The following SYNPR variants were observed in gnomAD, a reference collection of about 807,000 sequenced individuals.
The protein encoded by SYNPR is synaptoporin.
In SYNPR, 23 loss-of-function variants were observed where a neutral mutation model predicts 32.9. The observed-to-expected ratio is 0.70, with a 90% CI of 0.50 to 0.99. The LOEUF (loss-of-function observed/expected upper bound fraction) is 0.99, where lower values mean the gene tolerates loss of function less well. Among genes scored for constraint, SYNPR ranks in the 50% least tolerant of loss-of-function variants. SYNPR has a pLI of 0.00. For missense variants in SYNPR, 318 were observed against 349.3 expected (o/e 0.91, Z 0.71); for synonymous variants, 146 against 135.9 (o/e 1.07, Z -0.52).
chr3:63,589,467 T>G (rs1300857809), intron 4 of SYNPR, among the ~76,000 whole-genome samples: 2 of 152,084 alleles, frequency 1.3e-5, no homozygotes, highest in African/African-American at 2.4e-5. Context: ...GCTAAATAAA[T>G]GAGTAAACCC....
chr3:63,463,971 C>G (rs1700635112), intron 2 of SYNPR, among the ~76,000 whole-genome samples: 1 of 152,088 alleles, frequency 6.6e-6, no homozygotes. Flanking sequence ...TTTTTCGTAA[C>G]ATTTAGTTCT....
chr3:63,556,675 G>A lies in SYNPR; in HGVS notation c.342G>A (p.Leu114=). ...TVAVFAFLYS[L]AATVVYIFFQ... is the part of the protein sequence containing the mutation. ...CTGTCTTCGCCTTCCTCTACTCTTT[G>A]GCTGCCACTGTCGTTTACATTTTCT... The change falls in exon 4 of 6, where the codon TTG becomes TTA. Residue 114 remains leucine, a synonymous_variant. Coordinates refer to ENST00000478300, the MANE Select transcript of SYNPR (RefSeq NM_001130003.2). 6.2e-7 allele frequency: 1 copy of A among 1,613,742 alleles called. No homozygotes were observed. The highest frequency in any genetic ancestry group is 8.5e-7 in the Non-Finnish European group (1 of 1,179,792).
At chr3:63,519,838 A>G (rs1374340733) in intron 3 of SYNPR, among the ~76,000 whole-genome samples, 1 of 152,226 alleles carries the variant, frequency 6.6e-6, no homozygotes, top group East Asian at 1.9e-4. Context: ...GAAATATGAG[A>G]TTTATTTTAA....
chr3:63,246,699 A>T (rs1413426595), intron 1 of SYNPR, among the ~76,000 whole-genome samples: 1 of 152,074 alleles, frequency 6.6e-6, no homozygotes, highest in Non-Finnish European at 1.5e-5. Flanking sequence ...TAGCATATGC[A>T]AACCCTCTGA....
At chr3:63,445,756 C>T (rs769482308) in intron 2 of SYNPR, among the ~76,000 whole-genome samples, 23 of 152,114 alleles carry the variant, frequency 1.5e-4, no homozygotes, top group African/African-American at 3.6e-4. Flanking sequence ...GGATGAGTCT[C>T]GGAACCAGGC....
intron 2 of SYNPR, among the ~76,000 whole-genome samples, chr3:63,302,268 T>C (rs1439322832): frequency 6.6e-6 from 1 of 152,048 alleles, no homozygotes; most frequent in African/African-American, 2.4e-5. Flanking sequence ...CGATATAAAC[T>C]AGGCTTTACA....
chr3:63,589,247 G>A (rs1299873334), intron 4 of SYNPR, among the ~76,000 whole-genome samples: 3 of 152,084 alleles, frequency 2.0e-5, no homozygotes, highest in Non-Finnish European at 4.4e-5. Context: ...TCCCTAGGCT[G>A]TTCAGTACTC....
intron 4 of SYNPR, among the ~76,000 whole-genome samples, chr3:63,581,692 C>T (rs1469446160): frequency 6.6e-6 from 1 of 151,998 alleles, no homozygotes; most frequent in Non-Finnish European, 1.5e-5. Flanking sequence ...TAAATACAAA[C>T]CAACACCTTT....
chr3:63,316,834 T>C (rs2087048046), intron 2 of SYNPR, among the ~76,000 whole-genome samples: 1 of 152,032 alleles, frequency 6.6e-6, no homozygotes, highest in Non-Finnish European at 1.5e-5. Context: ...GAATGTCAGT[T>C]TGTGCTCTTT....
chr3:63,416,377 GA>G (rs1370742949), intron 2 of SYNPR, among the ~76,000 whole-genome samples: 7 of 151,874 alleles, frequency 4.6e-5, no homozygotes, highest in African/African-American at 1.4e-4. Context: ...CCAAGAAATA[GA>G]AAAATTAGCC....
intron 2 of SYNPR, among the ~76,000 whole-genome samples, chr3:63,436,832 A>C (rs1444224447): frequency 1.3e-5 from 2 of 151,972 alleles, no homozygotes; most frequent in Non-Finnish European, 2.9e-5. Flanking sequence ...CCAGCGGGGG[A>C]AGACTGTTAA....
chr3:63,257,641 T>C (rs565243456), intron 2 of SYNPR, among the ~76,000 whole-genome samples: 9 of 152,146 alleles, frequency 5.9e-5, no homozygotes, highest in Admixed American at 5.2e-4. Context: ...CCATTGAGGC[T>C]AGGAAGAAAC....
Position 63,244,970 on chromosome 3 carries a change from G to A in SYNPR, n.67-7529G>A, listed in dbSNP as rs137897706. Among the ~76,000 whole-genome samples the A allele has an allele frequency of 3.9e-3, 592 of 152,096 alleles. 2 individuals carry two copies. Among genetic ancestry groups the A allele is most frequent in the Non-Finnish European group, 6.3e-3 (428 of 67,976 alleles). ...ACAAATTGCTTGAACTATAAAAACAGGAGCTCGGAAAAACTAGGATAAGGA... is the reference window on the plus strand; with the variant it reads ...ACAAATTGCTTGAACTATAAAAACAAGAGCTCGGAAAAACTAGGATAAGGA... On this transcript the variant is annotated intron_variant and non_coding_transcript_variant, in intron 1 of 4. Transcript: ENST00000478456.
At chr3:63,229,574 G>T (rs1238406345) in intron 1 of SYNPR, among the ~76,000 whole-genome samples, 2 of 152,096 alleles carry the variant, frequency 1.3e-5, no homozygotes, top group Non-Finnish European at 1.5e-5. Flanking sequence ...TGTGTTAATA[G>T]CTGGCTAGTC....
chr3:63,484,808 A>G (rs1701114487), intron 3 of SYNPR, among the ~76,000 whole-genome samples: 1 of 152,218 alleles, frequency 6.6e-6, no homozygotes. Flanking sequence ...AAAAACAAGA[A>G]GAAAGCAAAG....
In SYNPR at chr3:63,313,680, CATATATATCCATAT is replaced by C. The variant is rs1179596394; in HGVS notation, c.84+35001_84+35014del. Reference sequence around the variant, plus strand: ...AAAGGAATTAACAGAAATTAATACACATATATATCCATATATATATATCCATATATATATATCCA... The same window carrying C: ...AAAGGAATTAACAGAAATTAATACACATATATATCCATATATATATATCCA... On this transcript the variant is annotated intron_variant, in intron 2 of 5. Transcript: ENST00000478300. Among the ~76,000 whole-genome samples the C allele has an allele frequency of 1.0e-2, 628 of 62,858 alleles. 44 individuals carry two copies. Among genetic ancestry groups the C allele is most frequent in the African/African-American group, 0.031 (515 of 16,444 alleles). The allele number at this position is 62,858 out of a possible 152,430, so 41.2% of individuals were successfully genotyped here. A position where few individuals can be genotyped will look rare whatever the true frequency, so the allele number is the denominator to read the frequency against.
intron 2 of SYNPR, among the ~76,000 whole-genome samples, chr3:63,348,555 G>A (rs1280974046): frequency 6.6e-6 from 1 of 151,768 alleles, no homozygotes; most frequent in Non-Finnish European, 1.5e-5. Context: ...TTTATTTTTT[G>A]TTTTTGTTAC....
intron 3 of SYNPR, among the ~76,000 whole-genome samples, chr3:63,524,646 A>G (rs1325194678): frequency 6.6e-6 from 1 of 152,118 alleles, no homozygotes; most frequent in Non-Finnish European, 1.5e-5. Context: ...AGCCATCTTC[A>G]AACACTGAGG....
chr3:63,390,909 G>C (rs2088124376), intron 2 of SYNPR, among the ~76,000 whole-genome samples: 1 of 152,164 alleles, frequency 6.6e-6, no homozygotes, highest in African/African-American at 2.4e-5. Flanking sequence ...TGCATCTGTT[G>C]TTAGACCATC....
Sources: allele counts gnomAD v4.1 joint callset (sites outside exome capture counted in the v4.1 genomes callset), GRCh38; gene constraint gnomAD v4.1.1; transcripts MANE v1.5; gene names NCBI Gene and HGNC (gene_info 2026-07-23, HGNC 2026-07-21).